IL1RAPL2: variants seen among roughly 807,000 people sequenced by gnomAD.
IL1RAPL2 encodes interleukin 1 receptor accessory protein like 2, also known as X-linked interleukin-1 receptor accessory protein-like 2.
Under a neutral mutation model 44.1 loss-of-function variants are expected in IL1RAPL2, and 3 were observed. The observed-to-expected ratio is 0.07, with a 90% CI of 0.03 to 0.18. The LOEUF is 0.18. Ranked by LOEUF, IL1RAPL2 falls within the 10% of genes least tolerant of loss-of-function variation. IL1RAPL2 has a pLI of 1.00. For missense variants in IL1RAPL2, 391 were observed against 496.4 expected, an observed-to-expected ratio of 0.79 and a Z score of 2.02; for synonymous variants, 181 against 178.8, an observed-to-expected ratio of 1.01 and a Z score of -0.10.
At position 104,710,796 on chromosome X, in the gene IL1RAPL2, G is replaced by T. The variant is rs867539074; in HGVS notation, c.82+51801G>T. 3.6e-5 allele frequency among the ~76,000 whole-genome samples: 4 copies of T among 111,214 alleles called. No homozygotes were observed. The Middle Eastern group carries it at 0.018, about 508-fold the overall frequency. ...TAATAGCACAATGCATTCCTCACCT[G>T]CTTGTGATAATGCTGGTGTAAACAA... On this transcript the variant is annotated intron_variant, in intron 2 of 10. Transcript: ENST00000372582.
At chrX:105,271,790 C>T (rs917791998) in intron 5 of IL1RAPL2, among the ~76,000 whole-genome samples, 1 of 108,860 alleles carries the variant, frequency 9.2e-6, no homozygotes, top group Non-Finnish European at 1.9e-5. Context: ...TATTTTATTC[C>T]CTTTGAAGCA....
At chrX:105,309,019 T>A (rs191968340) in intron 5 of IL1RAPL2, among the ~76,000 whole-genome samples, 247 of 110,633 alleles carry the variant, frequency 2.2e-3, no homozygotes, top group South Asian at 8.9e-3. Flanking sequence ...TGTTTTAATT[T>A]AATTAAATTA....
intron 2 of IL1RAPL2, among the ~76,000 whole-genome samples, chrX:105,135,441 A>T (rs1224197582): frequency 8.9e-6 from 1 of 112,247 alleles, no homozygotes; most frequent in Non-Finnish European, 1.9e-5. Flanking sequence ...TATGCCATTC[A>T]AGCATTTCAT....
chrX:104,613,925 T>A (rs1470205025), intron 1 of IL1RAPL2, among the ~76,000 whole-genome samples: 1 of 107,181 alleles, frequency 9.3e-6, no homozygotes, highest in Non-Finnish European at 1.9e-5. Context: ...CTTGGGAGAG[T>A]GTGTGTTTCC....
At chrX:104,614,778 T>G (rs148431108) in intron 1 of IL1RAPL2, among the ~76,000 whole-genome samples, 4,165 of 112,028 alleles carry the variant, frequency 0.037, 87 homozygotes, top group Non-Finnish European at 0.059. Context: ...GTTGTTGGTT[T>G]AAATTCTGTT....
At chrX:105,515,441 C>A (rs1817549480) in intron 6 of IL1RAPL2, among the ~76,000 whole-genome samples, 1 of 111,500 alleles carries the variant, frequency 9.0e-6, no homozygotes, top group South Asian at 3.8e-4. Context: ...CCAGCTTCAC[C>A]ATTGAGGAGG....
chrX:104,810,272 G>A (rs1287241380), intron 2 of IL1RAPL2, among the ~76,000 whole-genome samples: 1 of 110,532 alleles, frequency 9.0e-6, no homozygotes, highest in Non-Finnish European at 1.9e-5. Context: ...TGTGGGGTGA[G>A]GGGAAGGGGG....
chrX:104,937,887 C>G lies in IL1RAPL2; in HGVS notation c.83-257588C>G, dbSNP rs767716108. Among the ~76,000 whole-genome samples, 23 of 112,380 alleles carry G rather than the reference C, an allele frequency of 2.0e-4. No homozygotes were observed. In the South Asian group the frequency reaches 8.5e-3, roughly 42 times the overall value. ...GTGATTTGGACATCTTTACATTTAGCTGCATATTGCTTTTAGTTTAAAATG... is the reference window on the plus strand; with the variant it reads ...GTGATTTGGACATCTTTACATTTAGGTGCATATTGCTTTTAGTTTAAAATG... On this transcript the variant is annotated intron_variant, in intron 2 of 10. Coordinates refer to ENST00000372582, the MANE Select transcript of IL1RAPL2 (RefSeq NM_017416.2).
At chrX:105,151,350 A>G (rs1037036290) in intron 2 of IL1RAPL2, among the ~76,000 whole-genome samples, 4 of 111,093 alleles carry the variant, frequency 3.6e-5, no homozygotes, top group African/African-American at 1.3e-4. Context: ...CATTCAAAAC[A>G]TGACTTGAGA....
At chrX:104,878,904 G>A (rs1179689964) in intron 2 of IL1RAPL2, among the ~76,000 whole-genome samples, 1 of 110,621 alleles carries the variant, frequency 9.0e-6, no homozygotes, top group Admixed American at 9.6e-5. Context: ...CAGGATACCT[G>A]AAGTTGGCAA....
chrX:104,914,652 G>T (rs1288219694), intron 2 of IL1RAPL2, among the ~76,000 whole-genome samples: 1 of 110,412 alleles, frequency 9.1e-6, no homozygotes, highest in Non-Finnish European at 1.9e-5. Context: ...TGCCATGCTG[G>T]TGTGCTGCAC....
chrX:104,932,156 G>A (rs1019322311), intron 2 of IL1RAPL2, among the ~76,000 whole-genome samples: 11 of 107,258 alleles, frequency 1.0e-4, no homozygotes, highest in South Asian at 4.2e-4. Context: ...CTGTCACCAC[G>A]CCCAGCTAAT....
At position 104,658,758 on chromosome X, in the gene IL1RAPL2, C is replaced by T. The variant is rs180826795; in HGVS notation, c.-19-137C>T. ...GAACTTTCATGTTTTCTTCTATTTG[C>T]AAAAAATAAAGCCAGAAGACCCCAG... On this transcript the variant is annotated intron_variant, in intron 1 of 10. Transcript: ENST00000372582. The T allele has an allele frequency of 5.1e-5, 22 of 434,007 alleles. No homozygotes were observed. The Admixed American group carries it at 6.7e-4, about 13-fold the overall frequency. The allele number at this position is 434,007 out of a possible 1,213,427, so 35.8% of individuals were successfully genotyped here. A position where few individuals can be genotyped will look rare whatever the true frequency, so the allele number is the denominator to read the frequency against.
chrX:104,687,061 A>G (rs1463037268), intron 2 of IL1RAPL2, among the ~76,000 whole-genome samples: 1 of 112,220 alleles, frequency 8.9e-6, no homozygotes, highest in East Asian at 2.8e-4. Flanking sequence ...CAGTGGGTAG[A>G]AAAAGTTGAA....
chrX:105,728,984 G>A (rs1391203795), intron 7 of IL1RAPL2, among the ~76,000 whole-genome samples: 1 of 110,895 alleles, frequency 9.0e-6, no homozygotes, highest in Admixed American at 9.6e-5. Context: ...CCTACAGTAT[G>A]TAGCCTTTTC....
intron 2 of IL1RAPL2, among the ~76,000 whole-genome samples, chrX:105,143,543 C>T (rs1357894010): frequency 8.9e-6 from 1 of 111,825 alleles, no homozygotes; most frequent in Non-Finnish European, 1.9e-5. Context: ...GTGGCGATTC[C>T]TCAAGGATCT....
At chrX:104,632,431 A>G (rs1395109664) in intron 1 of IL1RAPL2, among the ~76,000 whole-genome samples, 3 of 111,476 alleles carry the variant, frequency 2.7e-5, no homozygotes, top group Non-Finnish European at 5.7e-5. Context: ...ATTACCTTGG[A>G]CAGTGTGGCC....
At chrX:104,976,053 T>A (rs183378451) in intron 2 of IL1RAPL2, among the ~76,000 whole-genome samples, 10 of 111,748 alleles carry the variant, frequency 8.9e-5, no homozygotes, top group Non-Finnish European at 5.6e-5. Flanking sequence ...TCTTTTTTTT[T>A]TATACAGAAT....
chrX:104,981,629 G>A (rs1482732642), intron 2 of IL1RAPL2, among the ~76,000 whole-genome samples: 1 of 110,640 alleles, frequency 9.0e-6, no homozygotes, highest in Non-Finnish European at 1.9e-5. Flanking sequence ...TGGAAATGGT[G>A]AGAGTGGGCA....
Sources: gnomAD v4.1 joint callset for allele counts (sites outside exome capture counted in the v4.1 genomes callset) on GRCh38, gnomAD v4.1.1 for gene constraint, MANE v1.5 for transcripts, NCBI Gene and HGNC (gene_info 2026-07-23, HGNC 2026-07-21) for gene names.